KRABD5: variants seen among roughly 807,000 people sequenced by gnomAD.
KRABD5 encodes KRAB domain-containing protein 5.
At chr16:31,759,392 T>C in the KRABD5 span, 1 of 1,538,060 alleles carries the variant, frequency 6.5e-7, no homozygotes, top group South Asian at 1.2e-5. Flanking sequence ...ATCAACAAGA[T>C]AATCTCTGCT....
At chr16:31,729,345 G>A in the KRABD5 span, among the ~76,000 whole-genome samples, 2 of 152,218 alleles carry the variant, frequency 1.3e-5, no homozygotes, top group African/African-American at 4.8e-5. Context: ...CTGTGATTCT[G>A]GAGGCAGGGA....
At chr16:31,756,074 T>C in the KRABD5 span, 1 of 155,758 alleles carries the variant, frequency 6.4e-6, no homozygotes, top group Non-Finnish European at 1.4e-5. Flanking sequence ...AATTTAATTC[T>C]CAGATTAGTT....
At chr16:31,735,768 A>G in the KRABD5 span, among the ~76,000 whole-genome samples, 23 of 152,180 alleles carry the variant, frequency 1.5e-4, no homozygotes, top group African/African-American at 5.5e-4. Context: ...ATTGGATTGT[A>G]TGTTTGTTTT....
the KRABD5 span, among the ~76,000 whole-genome samples, chr16:31,721,933 A>G: frequency 6.6e-6 from 1 of 152,254 alleles, no homozygotes; most frequent in African/African-American, 2.4e-5. Flanking sequence ...ATTGCTGAAC[A>G]CAATAAAATT....
chr16:31,753,986 A>C, the KRABD5 span: 1 of 1,502,266 alleles, frequency 6.7e-7, no homozygotes, highest in Non-Finnish European at 9.1e-7. Flanking sequence ...CTGTTACAGG[A>C]GGTCAAAAAC....
chr16:31,737,019 A>G, the KRABD5 span, among the ~76,000 whole-genome samples: 2 of 152,224 alleles, frequency 1.3e-5, no homozygotes, highest in Admixed American at 1.3e-4. Context: ...AACTTTCTTT[A>G]TAGTGAAAAC....
At chr16:31,744,156 C>T in the KRABD5 span, among the ~76,000 whole-genome samples, 127 of 152,262 alleles carry the variant, frequency 8.3e-4, no homozygotes, top group Non-Finnish European at 1.5e-3. Context: ...ACTTTCAATA[C>T]TGTGTTGAAT....
At chr16:31,725,054 T>G in the KRABD5 span, among the ~76,000 whole-genome samples, 1 of 152,216 alleles carries the variant, frequency 6.6e-6, no homozygotes, top group Non-Finnish European at 1.5e-5. Flanking sequence ...CCACTATATA[T>G]TTTGAATAAT....
chr16:31,753,966 A>G, the KRABD5 span: 3 of 1,539,130 alleles, frequency 1.9e-6, no homozygotes, highest in Non-Finnish European at 2.6e-6. Context: ...TACCTATAAC[A>G]AAAACCTCAC....
the KRABD5 span, chr16:31,755,685 G>A: frequency 3.0e-5 from 13 of 440,154 alleles, no homozygotes; most frequent in East Asian, 2.8e-4. Flanking sequence ...ACCCTTACTC[G>A]ACATAAAAGT....
At chr16:31,721,022 A>G in the KRABD5 span, among the ~76,000 whole-genome samples, 1 of 152,206 alleles carries the variant, frequency 6.6e-6, no homozygotes, top group East Asian at 1.9e-4. Flanking sequence ...GATAACAACA[A>G]TTAACATATA....
chr16:31,722,859 C>CATATAA, the KRABD5 span: 1 of 1,256,536 alleles, frequency 8.0e-7, no homozygotes, highest in Non-Finnish European at 1.0e-6. Context: ...TGAATGAATT[C>CATATAA]AGATTCCTGT....
At chr16:31,720,629 G>T in the KRABD5 span, among the ~76,000 whole-genome samples, 1 of 152,110 alleles carries the variant, frequency 6.6e-6, no homozygotes, top group Non-Finnish European at 1.5e-5. Context: ...AATATACAAC[G>T]ATTATGGGTC....
the KRABD5 span, chr16:31,761,026 A>C: frequency 6.6e-6 from 1 of 152,180 alleles, no homozygotes; most frequent in South Asian, 2.1e-4. Context: ...TCAAGGGCCC[A>C]TGGAGTTCAT....
the KRABD5 span, among the ~76,000 whole-genome samples, chr16:31,753,535 TA>T: frequency 1.3e-5 from 2 of 152,218 alleles, no homozygotes; most frequent in African/African-American, 4.8e-5. Context: ...TTCTTCCTTC[TA>T]TATGTGACCA....
chr16:31,739,211 CTATT>C, the KRABD5 span, among the ~76,000 whole-genome samples: 11 of 152,112 alleles, frequency 7.2e-5, no homozygotes, highest in East Asian at 1.7e-3. Flanking sequence ...AGAACTGCCT[CTATT>C]TAGCAGTTCT....
chr16:31,718,524 G>A, the KRABD5 span, among the ~76,000 whole-genome samples: 3 of 152,186 alleles, frequency 2.0e-5, no homozygotes. Flanking sequence ...GAACATGGTG[G>A]CAGAATCTGT....
chr16:31,735,110 T>G, the KRABD5 span, among the ~76,000 whole-genome samples: 1 of 150,770 alleles, frequency 6.6e-6, no homozygotes, highest in Admixed American at 6.6e-5. Context: ...CTCTCTTTCT[T>G]TCTTTTTTTC....
At chr16:31,715,490 G>C in the KRABD5 span, among the ~76,000 whole-genome samples, 4 of 152,154 alleles carry the variant, frequency 2.6e-5, no homozygotes, top group Non-Finnish European at 5.9e-5. Flanking sequence ...TCTTCCATTA[G>C]GCTGAGTTGT....
Sources: gnomAD v4.1 joint callset for allele counts (sites outside exome capture counted in the v4.1 genomes callset) on GRCh38, gnomAD v4.1.1 for gene constraint, MANE v1.5 for transcripts, NCBI Gene and HGNC (gene_info 2026-07-23, HGNC 2026-07-21) for gene names.